The following TRIM71 variants were observed in gnomAD, a reference collection of about 807,000 sequenced individuals.
TRIM71 encodes the protein tripartite motif containing 71, also known as E3 ubiquitin-protein ligase TRIM71.
Under a neutral mutation model 61.2 loss-of-function variants are expected in TRIM71, and 9 were observed. The observed-to-expected ratio is 0.15, with a 90% confidence interval of 0.09 to 0.26. TRIM71 has a LOEUF of 0.26. Among genes scored for constraint, TRIM71 ranks in the 10% least tolerant of loss-of-function variants. The probability of loss-of-function intolerance (pLI) is 1.00; values close to 1 mark genes in which losing one functional copy is unlikely to be tolerated. For synonymous variants in TRIM71, 645 were observed against 553.2 expected (o/e 1.17, Z -2.33); for missense variants, 998 against 1,238.7 (o/e 0.81, Z 2.92).
Position 32,871,025 on chromosome 3 carries a change from CAAG to C in TRIM71, c.853-2792_853-2790del, listed in dbSNP as rs1696790054. 2.6e-5 allele frequency among the ~76,000 whole-genome samples: 4 copies of C among 150,994 alleles called. No individual in the cohort carries two copies. In the South Asian group the frequency reaches 8.4e-4, roughly 32 times the overall value. ...AAGTGTTCCTCTAGCCTCAGCTTCTCAAGGAGCTTGGACTACAGGCATGAGCTG... is the reference window on the plus strand; with the variant it reads ...AAGTGTTCCTCTAGCCTCAGCTTCTCGAGCTTGGACTACAGGCATGAGCTG... On this transcript the variant is annotated intron_variant, in intron 1 of 3. Transcript: ENST00000383763.
Position 32,892,607 on chromosome 3 carries a change from A to G in TRIM71, c.*796A>G, listed in dbSNP as rs1206610083. The G allele has an allele frequency of 6.6e-6, 1 of 152,194 alleles. No homozygotes were observed. Among genetic ancestry groups the G allele is most frequent in the Non-Finnish European group, 1.5e-5 (1 of 68,022 alleles). The allele number at this position is 152,194 out of a possible 1,614,324, so 9.4% of individuals were successfully genotyped here. On this transcript the variant is annotated 3_prime_UTR_variant, in exon 4 of 4. Transcript: ENST00000383763. The stretch of plus-strand genomic sequence containing the variant: ...CATGTTTGTTTCAAAGCCATCTTGC[A>G]CCCAAGTAGTAAAGCTGAAAATGAC...
intron 1 of TRIM71, among the ~76,000 whole-genome samples, chr3:32,823,502 T>A (rs1477632974): frequency 6.6e-6 from 1 of 152,262 alleles, no homozygotes; most frequent in Non-Finnish European, 1.5e-5. Flanking sequence ...TTGCATAGAT[T>A]TGATACAAGA....
intron 1 of TRIM71, among the ~76,000 whole-genome samples, chr3:32,834,019 G>A (rs778462285): frequency 2.6e-5 from 4 of 152,062 alleles, no homozygotes; most frequent in African/African-American, 7.2e-5. Flanking sequence ...AGGAAAATTC[G>A]TTTTTCCAAT....
chr3:32,851,831 T>G (rs1696541941), intron 1 of TRIM71, among the ~76,000 whole-genome samples: 1 of 152,208 alleles, frequency 6.6e-6, no homozygotes, highest in Non-Finnish European at 1.5e-5. Flanking sequence ...GACATTAATC[T>G]TGGGAAACTT....
chr3:32,886,754 G>A (rs1288076352), intron 3 of TRIM71, among the ~76,000 whole-genome samples: 1 of 152,172 alleles, frequency 6.6e-6, no homozygotes, highest in Non-Finnish European at 1.5e-5. Context: ...GAGTGTGCCT[G>A]TTTCCATCTC....
chr3:32,872,936 G>A (rs151085093), intron 1 of TRIM71, among the ~76,000 whole-genome samples: 5 of 152,294 alleles, frequency 3.3e-5, no homozygotes, highest in South Asian at 2.1e-4. Flanking sequence ...ACAGAGTGGC[G>A]CTAAGTGCCC....
At position 32,842,699 on chromosome 3, in the gene TRIM71, A is replaced by G. The variant is rs551195762; in HGVS notation, c.852+23767A>G. On this transcript the variant is annotated intron_variant, in intron 1 of 3. Coordinates refer to ENST00000383763, the MANE Select transcript of TRIM71 (RefSeq NM_001039111.3). Reference sequence around the variant, plus strand: ...AAATCAAAGTGATTTGAGAAACCCCAGGGTTATTCATGTCCCCTTATACAG... The same window carrying G: ...AAATCAAAGTGATTTGAGAAACCCCGGGGTTATTCATGTCCCCTTATACAG... 8.9e-5 allele frequency among the ~76,000 whole-genome samples: 10 copies of G among 112,136 alleles called. No individual in the cohort carries two copies. In the East Asian group the frequency reaches 2.8e-3, roughly 32 times the overall value. 73.6% of individuals were successfully genotyped at this position (112,136 alleles called of 152,430 possible).
chr3:32,859,865 T>A (rs1696645309), intron 1 of TRIM71, among the ~76,000 whole-genome samples: 1 of 152,180 alleles, frequency 6.6e-6, no homozygotes, highest in Non-Finnish European at 1.5e-5. Context: ...ACATGGTTCC[T>A]GGTTTGGCAG....
chr3:32,871,870 G>T (rs1696798933), intron 1 of TRIM71, among the ~76,000 whole-genome samples: 1 of 152,248 alleles, frequency 6.6e-6, no homozygotes, highest in Non-Finnish European at 1.5e-5. Flanking sequence ...TGGGCCGGGT[G>T]CGTTGGCTCA....
intron 3 of TRIM71, among the ~76,000 whole-genome samples, chr3:32,889,018 TTGTC>T (rs1314042922): frequency 2.0e-5 from 3 of 152,236 alleles, no homozygotes; most frequent in Non-Finnish European, 4.4e-5. Context: ...TCAGTGCTCT[TTGTC>T]TGTATCAGGG....
intron 1 of TRIM71, among the ~76,000 whole-genome samples, chr3:32,846,031 A>G (rs1696470036): frequency 7.4e-6 from 1 of 135,182 alleles, no homozygotes; most frequent in Admixed American, 7.5e-5. Flanking sequence ...TTGTGCATTT[A>G]TTTATTATGT....
intron 2 of TRIM71, among the ~76,000 whole-genome samples, chr3:32,882,061 C>CT (rs1166342134): frequency 6.6e-6 from 1 of 152,114 alleles, no homozygotes; most frequent in Admixed American, 6.5e-5. Flanking sequence ...ATAAGCCTGG[C>CT]TAGGAGACTA....
intron 1 of TRIM71, among the ~76,000 whole-genome samples, chr3:32,842,852 C>G (rs960012245): frequency 1.3e-5 from 2 of 152,166 alleles, no homozygotes; most frequent in Non-Finnish European, 2.9e-5. Flanking sequence ...GGTTAATCCC[C>G]ACTTCCTTCC....
At chr3:32,868,306 T>C (rs1696760466) in intron 1 of TRIM71, among the ~76,000 whole-genome samples, 1 of 152,212 alleles carries the variant, frequency 6.6e-6, no homozygotes, top group South Asian at 2.1e-4. Flanking sequence ...ATTCTTACTA[T>C]CCAAGCTTGC....
In TRIM71 at chr3:32,828,756, C is replaced by T. The variant is rs945148252; in HGVS notation, c.852+9824C>T. Among the ~76,000 whole-genome samples, 3 of 152,118 alleles carry T rather than the reference C, an allele frequency of 2.0e-5. No individual in the cohort carries two copies. In the South Asian group the frequency reaches 6.2e-4, roughly 32 times the overall value. ...CTCAAGCCACCCTCCTGCCTGTCCT[C>T]CCAAAGTGCTGGGATTACAGGCGTG... On this transcript the variant is annotated intron_variant, in intron 1 of 3. Coordinates refer to ENST00000383763, the MANE Select transcript of TRIM71 (RefSeq NM_001039111.3).
At chr3:32,867,101 A>G (rs1290651810) in intron 1 of TRIM71, among the ~76,000 whole-genome samples, 57 of 152,046 alleles carry the variant, frequency 3.7e-4, no homozygotes, top group Admixed American at 3.7e-3. Context: ...GAGCCCAAAC[A>G]TTTAAATTTG....
intron 1 of TRIM71, among the ~76,000 whole-genome samples, chr3:32,820,576 G>T (rs1696115967): frequency 6.6e-6 from 1 of 152,198 alleles, no homozygotes; most frequent in African/African-American, 2.4e-5. Context: ...CAAATGCAGG[G>T]TGAGCAGAAT....
chr3:32,855,590 TGTCG>T, intron 1 of TRIM71, among the ~76,000 whole-genome samples: 1 of 152,320 alleles, frequency 6.6e-6, no homozygotes, highest in South Asian at 2.1e-4. Context: ...ATCCTCAGCC[TGTCG>T]GTTCTCTGGA....
intron 1 of TRIM71, among the ~76,000 whole-genome samples, chr3:32,866,848 C>A (rs1696741699): frequency 6.6e-6 from 1 of 152,006 alleles, no homozygotes; most frequent in Non-Finnish European, 1.5e-5. Context: ...GTAATGGCAA[C>A]TTTTTGGGGA....
Sources: gnomAD v4.1 joint callset for allele counts (sites outside exome capture counted in the v4.1 genomes callset) on GRCh38, gnomAD v4.1.1 for gene constraint, MANE v1.5 for transcripts, NCBI Gene and HGNC (gene_info 2026-07-23, HGNC 2026-07-21) for gene names.